GPR158: variants seen among roughly 807,000 people sequenced by gnomAD.
GPR158 encodes the protein G protein-coupled receptor 158.
A neutral mutation model predicts 78.2 loss-of-function variants in GPR158; 30 were observed. The observed-to-expected ratio is 0.38, with a 90% CI of 0.29 to 0.52. GPR158 has a LOEUF of 0.52. Ranked by LOEUF, GPR158 falls within the 20% of genes least tolerant of loss-of-function variation. The probability of loss-of-function intolerance (pLI) is 0.83; values close to 1 mark genes in which losing one functional copy is unlikely to be tolerated. For synonymous variants in GPR158, 581 were observed against 591.1 expected (o/e 0.98, Z 0.25); for missense variants, 1,463 against 1,523.5 (o/e 0.96, Z 0.66).
chr10:25,262,415 T>C (rs1194776027), intron 2 of GPR158, among the ~76,000 whole-genome samples: 1 of 152,174 alleles, frequency 6.6e-6, no homozygotes, highest in Admixed American at 6.5e-5. Context: ...AACTTCTTAG[T>C]ATCTAGGAAA....
intron 6 of GPR158, among the ~76,000 whole-genome samples, chr10:25,567,660 C>T (rs906030658): frequency 6.6e-6 from 1 of 152,064 alleles, no homozygotes; most frequent in African/African-American, 2.4e-5. Flanking sequence ...TCCAGAGGGA[C>T]CTGCAGAACT....
At chr10:25,209,881 T>A (rs1853104144) in intron 1 of GPR158, among the ~76,000 whole-genome samples, 1 of 152,348 alleles carries the variant, frequency 6.6e-6, no homozygotes, top group East Asian at 1.9e-4. Context: ...TCTCTGTCGT[T>A]AAAGCCCTGG....
intron 5 of GPR158, among the ~76,000 whole-genome samples, chr10:25,487,112 T>C (rs1215751723): frequency 1.3e-5 from 2 of 152,070 alleles, no homozygotes; most frequent in African/African-American, 4.8e-5. Context: ...GAGGTGGATA[T>C]CTGTGGGTGC....
At chr10:25,405,498 C>CTTTT (rs59695469) in intron 3 of GPR158, among the ~76,000 whole-genome samples, 549 of 45,584 alleles carry the variant, frequency 0.012, 54 homozygotes, top group East Asian at 0.03. Flanking sequence ...AAACAATTTC[C>CTTTT]TTTTTTTTTT....
chr10:25,304,677 C>T (rs1854643994), intron 2 of GPR158, among the ~76,000 whole-genome samples: 1 of 152,036 alleles, frequency 6.6e-6, no homozygotes, highest in Admixed American at 6.6e-5. Context: ...AAACGATTTT[C>T]CACATTTTAC....
At chr10:25,415,602 G>C (rs1260709486) in intron 4 of GPR158, among the ~76,000 whole-genome samples, 1 of 151,938 alleles carries the variant, frequency 6.6e-6, no homozygotes, top group Non-Finnish European at 1.5e-5. Context: ...CCCTCAAAAA[G>C]TTAAAAATTG....
chr10:25,540,977 T>TATAA (rs1290032092), intron 5 of GPR158, among the ~76,000 whole-genome samples: 25 of 49,586 alleles, frequency 5.0e-4, no homozygotes, highest in African/African-American at 2.3e-3. Flanking sequence ...TATATATATA[T>TATAA]AAAGTTTATC....
intron 6 of GPR158, among the ~76,000 whole-genome samples, 174 bp from the exon 7 acceptor site, chr10:25,572,475 C>A (rs550939708): frequency 6.6e-6 from 1 of 152,154 alleles, no homozygotes; most frequent in African/African-American, 2.4e-5. Flanking sequence ...TGCACTCCAG[C>A]ATGGGCAACA....
chr10:25,571,707 T>C (rs1210036633), intron 6 of GPR158, among the ~76,000 whole-genome samples: 1 of 152,138 alleles, frequency 6.6e-6, no homozygotes, highest in African/African-American at 2.4e-5. Context: ...GGGTAGAGAA[T>C]TCCTATAGTA....
intron 6 of GPR158, among the ~76,000 whole-genome samples, chr10:25,558,967 A>G (rs949398772): frequency 3.3e-5 from 5 of 152,070 alleles, no homozygotes; most frequent in African/African-American, 4.8e-5. Flanking sequence ...GTTTTCTTCT[A>G]TTTGGGAGTT....
rs375641323 is a variant in GPR158 at position 25,598,295 on chromosome 10, A to G, written c.2669A>G (p.Lys890Arg). Reference protein sequence around the residue: ...ASAHNLSSEKKTGHPRTSMLQ... With the variant: ...ASAHNLSSEKRTGHPRTSMLQ... ...GCTCACAACCTCAGCTCAGAGAAGA[A>G]AACTGGGCACCCACGAACATCGATG... The change falls in exon 11 of 11, where the codon AAA becomes AGA. Residue 890 changes from lysine (K) to arginine (R), a missense_variant. Physicochemically the swap from Lys to Arg is conservative, Grantham distance 26 (BLOSUM62 2). Transcript: ENST00000376351. 6.2e-7 allele frequency: 1 copy of G among 1,613,998 alleles called. No homozygotes were observed. Among genetic ancestry groups the G allele is most frequent in the East Asian group, 2.2e-5 (1 of 44,886 alleles).
chr10:25,310,311 C>T (rs7069681), intron 2 of GPR158, among the ~76,000 whole-genome samples: 2 of 152,046 alleles, frequency 1.3e-5, no homozygotes, highest in African/African-American at 2.4e-5. Context: ...GTTTGCAGTA[C>T]GTTTTTGGAT....
rs1378337491 is a variant in GPR158 at position 25,518,466 on chromosome 10, G to A, written c.1405-32510G>A. On this transcript the variant is annotated intron_variant, in intron 5 of 10. Coordinates refer to ENST00000376351, the MANE Select transcript of GPR158 (RefSeq NM_020752.3). The stretch of plus-strand genomic sequence containing the variant: ...TCTAGTTCTTTTAATTGTGTTGTTC[G>A]GGTGTCAATTTTAGATCTTTCCTGC... 7.2e-5 allele frequency among the ~76,000 whole-genome samples: 7 copies of A among 96,698 alleles called. 1 individual carries two copies. The highest frequency in any genetic ancestry group is 6.0e-4 in the East Asian group (2 of 3,350). The allele number at this position is 96,698 out of a possible 152,430, so 63.4% of individuals were successfully genotyped here. A position where few individuals can be genotyped will look rare whatever the true frequency, so the allele number is the denominator to read the frequency against.
intron 2 of GPR158, among the ~76,000 whole-genome samples, chr10:25,305,202 T>C (rs1351705485): frequency 6.6e-6 from 1 of 152,220 alleles, no homozygotes; most frequent in Non-Finnish European, 1.5e-5. Context: ...ATGTCAGAAG[T>C]AGCGTGATGG....
At chr10:25,350,213 AC>A (rs1855440093) in intron 2 of GPR158, among the ~76,000 whole-genome samples, 1 of 151,804 alleles carries the variant, frequency 6.6e-6, no homozygotes, top group African/African-American at 2.4e-5. Flanking sequence ...GGGAGGGGCA[AC>A]CCCATTCATT....
In GPR158 at chr10:25,466,686, G is replaced by T. The variant is rs1175352427; in HGVS notation, c.1371G>T (p.Thr457=). 2 of 1,606,324 alleles carry T rather than the reference G, an allele frequency of 1.2e-6. No individual in the cohort carries two copies. Among genetic ancestry groups the T allele is most frequent in the African/African-American group, 2.7e-5 (2 of 74,482 alleles). The change falls in exon 5 of 11, where the codon ACG becomes ACT. Residue 457 remains threonine, a synonymous_variant. Transcript: ENST00000376351. ...CATCGGGCCTTATCCTGTTGGAAAC[G>T]ATCCTTTTTGGATCTCTGCTCCTAT... is the stretch of plus-strand genomic sequence containing the variant. ...IRASGLILLE[T]ILFGSLLLYF...
intron 5 of GPR158, among the ~76,000 whole-genome samples, chr10:25,508,166 T>G (rs1475340647): frequency 1.3e-5 from 2 of 152,172 alleles, no homozygotes; most frequent in African/African-American, 4.8e-5. Context: ...TTATTTTTTT[T>G]GTAACTGCTG....
At chr10:25,461,889 G>A (rs566922754) in intron 4 of GPR158, among the ~76,000 whole-genome samples, 8 of 151,908 alleles carry the variant, frequency 5.3e-5, no homozygotes, top group East Asian at 1.9e-4. Context: ...CTGCCACCAC[G>A]CCCGGCTGAT....
At chr10:25,578,562 A>G (rs988004404) in intron 7 of GPR158, among the ~76,000 whole-genome samples, 1 of 152,258 alleles carries the variant, frequency 6.6e-6, no homozygotes, top group Non-Finnish European at 1.5e-5. Flanking sequence ...TGACTTCTCC[A>G]ACAGTCATAA....
Sources: allele counts gnomAD v4.1 joint callset (sites outside exome capture counted in the v4.1 genomes callset), GRCh38; gene constraint gnomAD v4.1.1; transcripts MANE v1.5; gene names NCBI Gene and HGNC (gene_info 2026-07-23, HGNC 2026-07-21).